The following NCKAP5 variants were observed in gnomAD, a reference collection of about 807,000 sequenced individuals.
The protein encoded by NCKAP5 is NCK associated protein 5, also known as nck-associated protein 5.
NCKAP5 carries 92 observed loss-of-function variants against 167.0 expected under a neutral mutation model. The observed-to-expected ratio is 0.55, with a 90% CI of 0.47 to 0.66. The LOEUF (loss-of-function observed/expected upper bound fraction) is 0.66, where lower values mean the gene tolerates loss of function less well. Ranked by LOEUF, NCKAP5 falls within the 30% of genes least tolerant of loss-of-function variation. The pLI is 0.00. For missense variants in NCKAP5, 2,378 were observed against 2,315.0 expected, an observed-to-expected ratio of 1.03 and a Z score of -0.56; for synonymous variants, 891 against 877.4, an observed-to-expected ratio of 1.02 and a Z score of -0.27.
At chr2:133,091,717 C>T (rs1255792658) in intron 6 of NCKAP5, among the ~76,000 whole-genome samples, 1 of 152,094 alleles carries the variant, frequency 6.6e-6, no homozygotes, top group East Asian at 1.9e-4. Flanking sequence ...GAAAACCCGT[C>T]TCTACCAAAA....
intron 8 of NCKAP5, among the ~76,000 whole-genome samples, chr2:132,952,491 T>C (rs2076218224): frequency 6.6e-6 from 1 of 152,198 alleles, no homozygotes; most frequent in Non-Finnish European, 1.5e-5. Context: ...AAGAATGTTT[T>C]TTTCTTTCTC....
At chr2:133,356,115 T>G (rs1232527998) in intron 3 of NCKAP5, among the ~76,000 whole-genome samples, 1 of 151,984 alleles carries the variant, frequency 6.6e-6, no homozygotes, top group Admixed American at 6.6e-5. Context: ...TTGATAGAGA[T>G]GGGGTTTTGC....
Position 132,988,824 on chromosome 2 carries a change from A to AT in NCKAP5, c.429+5327dup, listed in dbSNP as rs1259457244. Among the ~76,000 whole-genome samples the AT allele has an allele frequency of 6.6e-5, 10 of 152,264 alleles. No individual in the cohort carries two copies. In the East Asian group the frequency reaches 1.5e-3, roughly 24 times the overall value. ...AATGTAATCCCCTAGAGGGTACTTG[A>AT]TTTTTCTCATATCTGGCCTACTTTA... is the stretch of plus-strand genomic sequence containing the variant. On this transcript the variant is annotated intron_variant, in intron 7 of 19. Transcript: ENST00000409261.
At chr2:133,626,149 T>C in the NCKAP5 span, among the ~76,000 whole-genome samples, 3 of 152,196 alleles carry the variant, frequency 2.0e-5, no homozygotes, top group East Asian at 5.8e-4. Context: ...AGAATTAGAA[T>C]ACTGCCCCTT....
the NCKAP5 span, among the ~76,000 whole-genome samples, chr2:133,597,610 A>C: frequency 7.2e-6 from 1 of 139,602 alleles, no homozygotes; most frequent in Admixed American, 7.8e-5. Flanking sequence ...TGGAGGTTGC[A>C]GTGAGCCAAG....
the NCKAP5 span, among the ~76,000 whole-genome samples, chr2:133,630,567 T>G: frequency 6.6e-6 from 1 of 152,026 alleles, no homozygotes; most frequent in African/African-American, 2.4e-5. Context: ...CATAACAAAC[T>G]TGCACATGCT....
intron 3 of NCKAP5, among the ~76,000 whole-genome samples, chr2:133,382,042 C>T (rs755297899): frequency 4.6e-5 from 7 of 152,298 alleles, no homozygotes; most frequent in Admixed American, 6.5e-5. Context: ...ATGATTTGCA[C>T]GACACATCCA....
chr2:132,730,067 C>T (rs1181939332), intron 17 of NCKAP5, among the ~76,000 whole-genome samples: 1 of 152,130 alleles, frequency 6.6e-6, no homozygotes, highest in Admixed American at 6.5e-5. Flanking sequence ...GAAAGTAGGC[C>T]CTGCCTCTGG....
At chr2:133,090,361 G>T (rs2081133697) in intron 6 of NCKAP5, among the ~76,000 whole-genome samples, 2 of 152,026 alleles carry the variant, frequency 1.3e-5, no homozygotes, top group African/African-American at 4.8e-5. Flanking sequence ...GGTAGAAAGA[G>T]ATTTGAGACA....
chr2:133,100,626 G>GT (rs987228228), intron 6 of NCKAP5, among the ~76,000 whole-genome samples: 2 of 152,052 alleles, frequency 1.3e-5, no homozygotes, highest in Non-Finnish European at 2.9e-5. Context: ...ATCCTTTTTG[G>GT]TTATAACAAA....
chr2:133,389,629 G>A (rs548571939), intron 3 of NCKAP5, among the ~76,000 whole-genome samples: 14 of 152,300 alleles, frequency 9.2e-5, no homozygotes, highest in Non-Finnish European at 1.5e-4. Context: ...TGTACTAAAC[G>A]ATACACCTAT....
the NCKAP5 span, among the ~76,000 whole-genome samples, chr2:133,634,874 C>CTT: frequency 0.03 from 4,265 of 143,490 alleles, 106 homozygotes; most frequent in Non-Finnish European, 0.046. Context: ...TCTTTTCTTT[C>CTT]TTTTTTTTTT....
chr2:133,581,240 T>G, the NCKAP5 span, among the ~76,000 whole-genome samples: 1 of 152,140 alleles, frequency 6.6e-6, no homozygotes, highest in African/African-American at 2.4e-5. Flanking sequence ...TGCATTTGAG[T>G]TCCTGGTGAA....
intron 6 of NCKAP5, among the ~76,000 whole-genome samples, chr2:133,050,844 T>C (rs577333032): frequency 1.3e-5 from 2 of 152,300 alleles, no homozygotes; most frequent in South Asian, 2.1e-4. Context: ...CCTTTGATGG[T>C]TGAAAATATT....
chr2:132,693,728 C>A (rs7560574), intron 19 of NCKAP5, among the ~76,000 whole-genome samples: 5,094 of 148,234 alleles, frequency 0.034, 293 homozygotes, highest in African/African-American at 0.12. Context: ...CCAGTTCAAG[C>A]GATTCTCCTG....
chr2:133,193,729 A>G (rs1157667401), intron 5 of NCKAP5, among the ~76,000 whole-genome samples: 1 of 152,102 alleles, frequency 6.6e-6, no homozygotes, highest in African/African-American at 2.4e-5. Context: ...TGGTGAGTAG[A>G]CAGCTAACTT....
chr2:133,610,028 A>G, the NCKAP5 span, among the ~76,000 whole-genome samples: 1 of 152,186 alleles, frequency 6.6e-6, no homozygotes, highest in Non-Finnish European at 1.5e-5. Context: ...TAGGAGGCAA[A>G]TGATCCTAAG....
At chr2:132,962,115 T>A (rs528068664) in intron 8 of NCKAP5, among the ~76,000 whole-genome samples, 7 of 152,330 alleles carry the variant, frequency 4.6e-5, no homozygotes, top group Non-Finnish European at 8.8e-5. Flanking sequence ...TGCTTACCTG[T>A]CTGCCTTCGG....
chr2:133,445,418 T>C (rs994120856), intron 3 of NCKAP5, among the ~76,000 whole-genome samples: 4 of 152,232 alleles, frequency 2.6e-5, no homozygotes, highest in Admixed American at 1.3e-4. Context: ...CATAAAAATC[T>C]TGTGACACAG....
Sources: allele counts gnomAD v4.1 joint callset (sites outside exome capture counted in the v4.1 genomes callset), GRCh38; gene constraint gnomAD v4.1.1; transcripts MANE v1.5; gene names NCBI Gene and HGNC (gene_info 2026-07-23, HGNC 2026-07-21).